The following SYT1 variants were observed in gnomAD, a reference collection of about 807,000 sequenced individuals.
The protein encoded by SYT1 is synaptotagmin 1, also known as synaptotagmin-1.
A neutral mutation model predicts 44.8 loss-of-function variants in SYT1; 8 were observed. The observed-to-expected ratio is 0.18, with a 90% CI of 0.10 to 0.32. The LOEUF is 0.32. Ranked by LOEUF, SYT1 falls within the 10% of genes least tolerant of loss-of-function variation. SYT1 has a pLI of 1.00. For missense variants in SYT1, 286 were observed against 509.3 expected, an observed-to-expected ratio of 0.56 and a Z score of 4.22; for synonymous variants, 154 against 188.8, an observed-to-expected ratio of 0.82 and a Z score of 1.51.
chr12:78,951,162 A>G (rs903522338), intron 1 of SYT1, among the ~76,000 whole-genome samples: 2 of 152,112 alleles, frequency 1.3e-5, no homozygotes, highest in African/African-American at 4.8e-5. Context: ...CAGTAATCCC[A>G]TTGCTTTCAT....
At chr12:79,320,342 T>C (rs1881294954) in intron 8 of SYT1, among the ~76,000 whole-genome samples, 1 of 152,208 alleles carries the variant, frequency 6.6e-6, no homozygotes, top group Non-Finnish European at 1.5e-5. Flanking sequence ...ATGCTTGTCA[T>C]TTGGTCCCCA....
Position 79,102,270 on chromosome 12 carries a change from TTCTCTCTCTC to T in SYT1, c.-18+54918_-18+54927del, listed in dbSNP as rs113338125. Reference sequence around the variant, plus strand: ...TCTCTTTCCTTCTCTCTCTCTCTCTTTCTCTCTCTCTCTCTCTCTGTCCTTCCTACAGCTG... The same window carrying T: ...TCTCTTTCCTTCTCTCTCTCTCTCTTTCTCTCTCTGTCCTTCCTACAGCTG... On this transcript the variant is annotated intron_variant, in intron 3 of 10. Transcript: ENST00000261205. Among the ~76,000 whole-genome samples, 11 of 148,726 alleles carry T rather than the reference TTCTCTCTCTC, an allele frequency of 7.4e-5. 1 individual carries two copies. The highest frequency in any genetic ancestry group is 1.2e-4 in the African/African-American group (5 of 40,504).
At chr12:78,910,985 T>A (rs1260858400) in intron 1 of SYT1, among the ~76,000 whole-genome samples, 2 of 152,004 alleles carry the variant, frequency 1.3e-5, no homozygotes, top group Admixed American at 1.3e-4. Flanking sequence ...CATAGCCAGA[T>A]CATGCAGGGC....
intron 3 of SYT1, among the ~76,000 whole-genome samples, chr12:79,064,936 G>C (rs879379771): frequency 5.3e-4 from 54 of 101,984 alleles, no homozygotes; most frequent in Middle Eastern, 4.8e-3. Context: ...GAGAAAGAAA[G>C]AAAGAAAGAA....
intron 3 of SYT1, among the ~76,000 whole-genome samples, chr12:79,048,136 G>A (rs1239494090): frequency 2.0e-5 from 3 of 151,790 alleles, no homozygotes; most frequent in South Asian, 4.1e-4. Context: ...ATTTGAAATT[G>A]CATTTCAAAC....
chr12:79,367,091 C>A (rs1475388858), intron 9 of SYT1, among the ~76,000 whole-genome samples: 4 of 152,086 alleles, frequency 2.6e-5, no homozygotes, highest in Admixed American at 2.6e-4. Context: ...AGAAATCAGA[C>A]CAGTAGTATA....
At chr12:79,002,266 G>C (rs1259678023) in intron 2 of SYT1, among the ~76,000 whole-genome samples, 4 of 152,070 alleles carry the variant, frequency 2.6e-5, no homozygotes, top group Non-Finnish European at 5.9e-5. Context: ...AATGCAACAT[G>C]CTCCCTCCCC....
intron 4 of SYT1, among the ~76,000 whole-genome samples, chr12:79,259,196 A>G (rs1877696285): frequency 6.6e-6 from 1 of 152,220 alleles, no homozygotes; most frequent in Non-Finnish European, 1.5e-5. Flanking sequence ...TCATTTTACA[A>G]TCTTCCAATA....
chr12:79,259,552 T>G (rs1156676779), intron 4 of SYT1, among the ~76,000 whole-genome samples: 2 of 152,062 alleles, frequency 1.3e-5, no homozygotes, highest in Non-Finnish European at 2.9e-5. Flanking sequence ...GGGCAACATA[T>G]GGAGACCCCA....
At chr12:78,909,395 C>T (rs1048650640) in intron 1 of SYT1, among the ~76,000 whole-genome samples, 5 of 151,446 alleles carry the variant, frequency 3.3e-5, no homozygotes, top group Non-Finnish European at 5.9e-5. Context: ...AAATTGTTTT[C>T]GGTATTTATA....
intron 9 of SYT1, among the ~76,000 whole-genome samples, chr12:79,361,552 C>A (rs1883316473): frequency 6.6e-6 from 1 of 152,162 alleles, no homozygotes; most frequent in Non-Finnish European, 1.5e-5. Flanking sequence ...TAACATAAAT[C>A]AGTTGGTTGA....
chr12:79,377,446 A>AT (rs1221765303), intron 9 of SYT1, among the ~76,000 whole-genome samples: 1 of 152,070 alleles, frequency 6.6e-6, no homozygotes, highest in Non-Finnish European at 1.5e-5. Flanking sequence ...CCACCAATTT[A>AT]TTTTTTTCTT....
chr12:79,291,949 TCA>T, intron 5 of SYT1, 57 bp from the exon 6 acceptor site: 2 of 1,607,422 alleles, frequency 1.2e-6, no homozygotes, highest in Non-Finnish European at 1.7e-6. Flanking sequence ...CAGGCCCAGT[TCA>T]ATTTGAGTTT....
At chr12:79,192,411 T>C (rs1008186747) in intron 3 of SYT1, among the ~76,000 whole-genome samples, 1 of 152,054 alleles carries the variant, frequency 6.6e-6, no homozygotes, top group African/African-American at 2.4e-5. Flanking sequence ...TCAGGATGGG[T>C]AGGGATAAAG....
intron 2 of SYT1, chr12:79,045,640 C>G (rs1873987670): frequency 6.6e-6 from 1 of 152,382 alleles, no homozygotes; most frequent in Admixed American, 6.5e-5. Context: ...CATCTTGGCT[C>G]CTCCCTGATT....
chr12:79,164,625 C>G (rs1471239378), intron 3 of SYT1, among the ~76,000 whole-genome samples: 1 of 151,848 alleles, frequency 6.6e-6, no homozygotes. Flanking sequence ...CTTGTTTTGT[C>G]TTTGGAAATT....
intron 9 of SYT1, among the ~76,000 whole-genome samples, chr12:79,388,524 A>G (rs552225988): frequency 4.3e-4 from 65 of 152,068 alleles, no homozygotes; most frequent in Middle Eastern, 6.8e-3. Flanking sequence ...GCAAAACCCC[A>G]TCTCCACTAA....
chr12:79,200,740 A>G (rs1873735265), intron 3 of SYT1, among the ~76,000 whole-genome samples: 1 of 152,092 alleles, frequency 6.6e-6, no homozygotes, highest in African/African-American at 2.4e-5. Flanking sequence ...TTTAGACAAA[A>G]TCTATACCAG....
intron 1 of SYT1, among the ~76,000 whole-genome samples, chr12:78,921,278 G>A (rs916440348): frequency 2.6e-5 from 4 of 151,812 alleles, no homozygotes; most frequent in Non-Finnish European, 5.9e-5. Context: ...CTCACTTTAC[G>A]ACTATAACAG....
Sources: allele counts gnomAD v4.1 joint callset (sites outside exome capture counted in the v4.1 genomes callset), GRCh38; gene constraint gnomAD v4.1.1; transcripts MANE v1.5; gene names NCBI Gene and HGNC (gene_info 2026-07-23, HGNC 2026-07-21).